Variants in PCDHGA8 observed in about 807,000 individuals in gnomAD.
PCDHGA8 encodes protocadherin gamma-A8.
Under a neutral mutation model 59.2 loss-of-function variants are expected in PCDHGA8, and 45 were observed. The observed-to-expected ratio is 0.76, with a 90% CI of 0.60 to 0.98. The LOEUF (loss-of-function observed/expected upper bound fraction) is 0.98, where lower values mean the gene tolerates loss of function less well. Among genes scored for constraint, PCDHGA8 ranks in the 50% least tolerant of loss-of-function variants. The pLI is 0.00. For synonymous variants in PCDHGA8, 531 were observed against 519.0 expected (o/e 1.02, Z -0.32); for missense variants, 1,257 against 1,196.2 (o/e 1.05, Z -0.75).
intron 1 of PCDHGA8, chr5:141,400,049 C>G (rs1242848324): frequency 6.2e-7 from 1 of 1,613,572 alleles, no homozygotes; most frequent in Non-Finnish European, 8.5e-7. Context: ...CTGCTGGTTG[C>G]TGTGCGTGAT....
intron 1 of PCDHGA8, chr5:141,418,778 T>C (rs1256260275): frequency 6.2e-7 from 1 of 1,613,744 alleles, no homozygotes; most frequent in Non-Finnish European, 8.5e-7. Context: ...TCAGCAGCCT[T>C]TGGATTTTGA....
chr5:141,466,197 G>A (rs2099118639), intron 1 of PCDHGA8, among the ~76,000 whole-genome samples: 1 of 151,666 alleles, frequency 6.6e-6, no homozygotes, highest in South Asian at 2.1e-4. Flanking sequence ...TTCAGACACA[G>A]CCTTGCTCTG....
rs200317374 is a variant in PCDHGA8, at chr5:141,408,395, A to C, written c.2424+13158A>C. 29 of 1,613,856 alleles carry C rather than the reference A, an allele frequency of 1.8e-5. No homozygotes were observed. The South Asian group carries it at 3.0e-4, about 16-fold the overall frequency. On this transcript the variant is annotated intron_variant, in intron 1 of 3. Transcript: ENST00000398604. ...CAGTGTCCTGGATGTGTCGGCTCGC[A>C]AGCTGCGAGTGAGCGCGGAGAAGCT...
intron 1 of PCDHGA8, among the ~76,000 whole-genome samples, chr5:141,466,519 C>A (rs1406838553): frequency 6.6e-6 from 1 of 151,864 alleles, no homozygotes; most frequent in Non-Finnish European, 1.5e-5. Flanking sequence ...CATTTTTTTT[C>A]CTCCCAAATT....
At chr5:141,397,195 G>T (rs2093485269) in intron 1 of PCDHGA8, among the ~76,000 whole-genome samples, 1 of 152,150 alleles carries the variant, frequency 6.6e-6, no homozygotes, top group Non-Finnish European at 1.5e-5. Context: ...TACTGTAAAA[G>T]ATATGACATA....
Position 141,490,526 on chromosome 5 carries a change from C to T in PCDHGA8, c.2425-4281C>T, listed in dbSNP as rs1270447529. 6.2e-7 allele frequency: 1 copy of T among 1,614,116 alleles called. No homozygotes were observed. Among genetic ancestry groups the T allele is most frequent in the Non-Finnish European group, 8.5e-7 (1 of 1,180,008 alleles). ...ATCATCGAGCTGCTGGCCAGCGATGCTGGTTCACCTTCCCTACACAAACAT... is the reference window on the plus strand; with the variant it reads ...ATCATCGAGCTGCTGGCCAGCGATGTTGGTTCACCTTCCCTACACAAACAT... On this transcript the variant is annotated intron_variant, in intron 1 of 3. Coordinates refer to ENST00000398604, the MANE Select transcript of PCDHGA8 (RefSeq NM_032088.2). The surrounding 1 kb of genome is among the most constrained non-coding windows in gnomAD (Gnocchi z 5.4).
chr5:141,418,018 T>C, intron 1 of PCDHGA8: 1 of 1,613,868 alleles, frequency 6.2e-7, no homozygotes, highest in Non-Finnish European at 8.5e-7. Flanking sequence ...TCGCTAAGGA[T>C]CTAGGGCTTA....
intron 1 of PCDHGA8, chr5:141,422,019 G>T (rs777239843): frequency 1.9e-6 from 3 of 1,610,862 alleles, no homozygotes; most frequent in Non-Finnish European, 2.5e-6. Context: ...GGGTGCTGAT[G>T]GTTAATGCAA....
At chr5:141,462,980 G>T (rs1249102130) in intron 1 of PCDHGA8, among the ~76,000 whole-genome samples, 1 of 152,006 alleles carries the variant, frequency 6.6e-6, no homozygotes, top group Non-Finnish European at 1.5e-5. Flanking sequence ...AGTAACTTTT[G>T]CCTTGGGCTA....
chr5:141,393,110 C>T lies in PCDHGA8; in HGVS notation c.297C>T (p.Ser99=). ...ATCGGGAGGAGCTCTGCGCTCAGAG[C>T]CCGCGGTGTCTGATAAATATTAACA... ...RIDREELCAQ[S]PRCLININTL... The change falls in exon 1 of 4, where the codon AGC becomes AGT. Residue 99 remains serine, a synonymous_variant. Transcript: ENST00000398604. The T allele has an allele frequency of 6.2e-6, 10 of 1,613,496 alleles. No individual in the cohort carries two copies. The highest frequency in any genetic ancestry group is 8.5e-6 in the Non-Finnish European group (10 of 1,179,898).
rs1439786491 is a variant in PCDHGA8 at position 141,399,634 on chromosome 5, A to G, written c.2424+4397A>G. 9 of 1,613,742 alleles carry G rather than the reference A, an allele frequency of 5.6e-6. No individual in the cohort carries two copies. The highest frequency in any genetic ancestry group is 1.3e-5 in the African/African-American group (1 of 74,954). On this transcript the variant is annotated intron_variant, in intron 1 of 3. Transcript: ENST00000398604. ...TCTGGCACTGGCCTCTTACGTGTCC[A>G]TGAGCGCGCAAAGTGGGGTGGTGTT...
At chr5:141,440,605 C>G (rs1214459401) in intron 1 of PCDHGA8, 1 of 152,228 alleles carries the variant, frequency 6.6e-6, no homozygotes, top group East Asian at 1.9e-4. Context: ...TGCAACAGAA[C>G]CTGCAGAAGA....
chr5:141,424,203 GC>G (rs777832241), intron 1 of PCDHGA8: 3 of 175,740 alleles, frequency 1.7e-5, no homozygotes, highest in Non-Finnish European at 3.6e-5. Flanking sequence ...ATACACGTAA[GC>G]TTTTCTCTGA....
intron 1 of PCDHGA8, among the ~76,000 whole-genome samples, chr5:141,464,286 A>AT (rs1453289283): frequency 6.6e-6 from 1 of 151,420 alleles, no homozygotes; most frequent in African/African-American, 2.4e-5. Flanking sequence ...AAGCAAAAAA[A>AT]AAAACTCCAT....
At chr5:141,427,934 G>A (rs746648152) in intron 1 of PCDHGA8, 42 of 1,584,338 alleles carry the variant, frequency 2.7e-5, no homozygotes, top group Non-Finnish European at 3.6e-5. Context: ...GCATGTTGGT[G>A]GGCGACCTCA....
chr5:141,503,377 A>G lies in PCDHGA8; in HGVS notation c.2484-2016A>G, dbSNP rs534841057. Among the ~76,000 whole-genome samples, 4 of 152,142 alleles carry G rather than the reference A, an allele frequency of 2.6e-5. No homozygotes were observed. In the East Asian group the frequency reaches 7.8e-4, roughly 30 times the overall value. The stretch of plus-strand genomic sequence containing the variant: ...TTTGGGAAGCGGAGGCAGGTGGATC[A>G]TGAGGTCAGGAGTTCGAAACCAACC... On this transcript the variant is annotated intron_variant, in intron 2 of 3. Coordinates refer to ENST00000398604, the MANE Select transcript of PCDHGA8 (RefSeq NM_032088.2).
rs980944782 is a variant in PCDHGA8 at position 141,487,625 on chromosome 5, T to C, written c.2425-7182T>C. On this transcript the variant is annotated intron_variant, in intron 1 of 3. Coordinates refer to ENST00000398604, the MANE Select transcript of PCDHGA8 (RefSeq NM_032088.2). This position sits in a 1 kb window ranked among gnomAD's most constrained non-coding sequence, Gnocchi z 5.0. ...TCTCTATGGGCTAGAGGTGAGACCT[T>C]TGCAGGCTCAACAAATGCTTGAGGG... 4 of 1,614,090 alleles carry C rather than the reference T, an allele frequency of 2.5e-6. No homozygotes were observed. Among genetic ancestry groups the C allele is most frequent in the Admixed American group, 3.3e-5 (2 of 60,004 alleles).
In PCDHGA8 at chr5:141,510,992, T is replaced by C. The variant is rs879030278; in HGVS notation, c.2618T>C (p.Met873Thr). The change falls in exon 4 of 4, where the codon ATG (methionine) becomes ACG (threonine). Residue 873 changes from methionine to threonine, a missense_variant. By Grantham distance (81) the Met-to-Thr change is moderately conservative. Coordinates refer to ENST00000398604, the MANE Select transcript of PCDHGA8 (RefSeq NM_032088.2). ...SSTLGGGAGT[M>T]GLSARYGPQF... is the part of the protein sequence containing the mutation. ...ACCCTGGGAGGGGGTGCCGGCACCA[T>C]GGGATTGAGCGCCCGCTACGGACCC... The C allele has an allele frequency of 1.9e-6, 3 of 1,614,164 alleles. No individual in the cohort carries two copies. The highest frequency in any genetic ancestry group is 2.5e-6 in the Non-Finnish European group (3 of 1,180,006).
In PCDHGA8 at chr5:141,494,849, A is replaced by C; in HGVS notation, c.2467A>C (p.Arg823=). ...NTDWRFSQAQ[R]PGTSGSQNGD... ...GGACTGGCGTTTCTCTCAGGCCCAG[A>C]GACCCGGCACCAGCGGGTAGGTGAC... Residue 823 remains arginine, a synonymous_variant, in exon 2 of 4, where the codon AGA becomes CGA. Transcript: ENST00000398604. 1 of 1,614,102 alleles carries C rather than the reference A, an allele frequency of 6.2e-7. No individual in the cohort carries two copies. Among genetic ancestry groups the C allele is most frequent in the Non-Finnish European group, 8.5e-7 (1 of 1,180,014 alleles).
Sources: allele counts gnomAD v4.1 joint callset (sites outside exome capture counted in the v4.1 genomes callset), GRCh38; gene constraint gnomAD v4.1.1; non-coding constraint Gnocchi (gnomAD v3.1); transcripts MANE v1.5; gene names NCBI Gene and HGNC (gene_info 2026-07-23, HGNC 2026-07-21).